The following ZNF808 variants were observed in gnomAD, a reference collection of about 807,000 sequenced individuals.
ZNF808 encodes the protein zinc finger protein 808.
In ZNF808, 5 loss-of-function variants were observed where a neutral mutation model predicts 8.7. The ratio of observed to expected loss-of-function variants is 0.58; its 90% CI spans 0.30 to 1.21. The LOEUF (loss-of-function observed/expected upper bound fraction) is 1.21. Among genes scored for constraint, ZNF808 ranks in the 50% most tolerant of loss-of-function variants. The pLI, the probability that ZNF808 is intolerant of heterozygous loss-of-function variation, is 0.07. For synonymous variants in ZNF808, 380 were observed against 366.0 expected (o/e 1.04, Z -0.44); for missense variants, 1,103 against 1,098.4 (o/e 1.00, Z -0.06).
downstream of ZNF808, among the ~76,000 whole-genome samples, chr19:52,568,545 A>G (rs2059878792): frequency 6.6e-6 from 1 of 151,958 alleles, no homozygotes; most frequent in South Asian, 2.1e-4. Flanking sequence ...GAAGTGTATC[A>G]CTCCATCACC....
chr19:52,559,806 A>G (rs539571734), downstream of ZNF808, among the ~76,000 whole-genome samples: 2 of 152,024 alleles, frequency 1.3e-5, no homozygotes, highest in Non-Finnish European at 2.9e-5. Flanking sequence ...GGCTCACTGT[A>G]GCTTCCACCT....
intron 4 of ZNF808, among the ~76,000 whole-genome samples, chr19:52,552,419 T>C (rs566899903): frequency 6.7e-6 from 1 of 149,508 alleles, no homozygotes; most frequent in African/African-American, 2.5e-5. Context: ...TTCTTTTTTT[T>C]TTTTTTCTGT....
At chr19:52,533,808 A>C (rs2059580922) in intron 2 of ZNF808, among the ~76,000 whole-genome samples, 1 of 131,710 alleles carries the variant, frequency 7.6e-6, no homozygotes, top group South Asian at 2.6e-4. Flanking sequence ...GTGCCACTGC[A>C]CTGTAGCCTG....
chr19:52,546,445 A>G (rs1289307216), intron 3 of ZNF808, among the ~76,000 whole-genome samples: 2 of 152,066 alleles, frequency 1.3e-5, no homozygotes, highest in Non-Finnish European at 2.9e-5. Flanking sequence ...TTGGCCTCCC[A>G]AAGTGCTGGG....
downstream of ZNF808, among the ~76,000 whole-genome samples, chr19:52,567,061 C>T (rs1249503200): frequency 6.6e-6 from 1 of 151,506 alleles, no homozygotes; most frequent in Admixed American, 6.6e-5. Flanking sequence ...AAGCGATTCT[C>T]CTGCCTCAGC....
intron 3 of ZNF808, among the ~76,000 whole-genome samples, chr19:52,562,571 G>A (rs2059861510): frequency 6.6e-6 from 1 of 151,992 alleles, no homozygotes; most frequent in Non-Finnish European, 1.5e-5. Context: ...TATTTTTTAT[G>A]TTTTTATTGT....
In ZNF808 at chr19:52,556,065, C is replaced by T. The variant is rs111288576; in HGVS notation, c.*437C>T. 9.8e-3 allele frequency: 4,537 copies of T among 462,504 alleles called. 123 individuals are homozygous for T. The highest frequency in any genetic ancestry group is 0.066 in the African/African-American group (3,291 of 49,674). 28.7% of individuals were successfully genotyped at this position (462,504 alleles called of 1,614,324 possible). A position where few individuals can be genotyped will look rare whatever the true frequency, so the allele number is the denominator to read the frequency against. ...TTCCCAATGCAGTGAGTATAGCAAA[C>T]CATCAAGCATTAATTGACATTGGAG... On this transcript the variant is annotated 3_prime_UTR_variant, in exon 5 of 5. Coordinates refer to ENST00000359798, the MANE Select transcript of ZNF808 (RefSeq NM_001039886.4).
chr19:52,568,653 GTC>G (rs1243948177), downstream of ZNF808, among the ~76,000 whole-genome samples: 3 of 152,190 alleles, frequency 2.0e-5, no homozygotes, highest in Admixed American at 6.5e-5. Flanking sequence ...AAATGTTAAT[GTC>G]TCTACTTGGG....
rs536006866 is a variant in ZNF808, at chr19:52,555,210, G to A, written c.2294G>A (p.Cys765Tyr). ...CATAGTGGTGAGAAACCTTACAAGT[G>A]TAACGACTGTGGCAATACCTTCCGT... Reference protein sequence around the residue: ...RLHSGEKPYKCNDCGNTFRHW... With the variant: ...RLHSGEKPYKYNDCGNTFRHW... Residue 765 changes from cysteine (C) to tyrosine (Y), a missense_variant, in exon 5 of 5, where the codon TGT (cysteine) becomes TAT (tyrosine). Transcript: ENST00000359798. 1 of 1,614,032 alleles carries A rather than the reference G, an allele frequency of 6.2e-7. No individual in the cohort carries two copies. The highest frequency in any genetic ancestry group is 1.3e-5 in the African/African-American group (1 of 74,998).
chr19:52,561,899 A>G (rs1196506036), intron 3 of ZNF808, among the ~76,000 whole-genome samples: 1 of 152,186 alleles, frequency 6.6e-6, no homozygotes, highest in African/African-American at 2.4e-5. Flanking sequence ...CACATATTGC[A>G]GGTTTTATGC....
chr19:52,532,734 AAAGTATTTATT>A (rs1197593432), intron 1 of ZNF808, among the ~76,000 whole-genome samples, 163 bp from the exon 2 acceptor site: 1 of 109,506 alleles, frequency 9.1e-6, no homozygotes, highest in African/African-American at 3.9e-5. Context: ...AAGTACACGT[AAAGTATTTATT>A]AAGTATTTAT....
At chr19:52,563,032 C>A (rs567072432) in intron 3 of ZNF808, among the ~76,000 whole-genome samples, 19 of 152,228 alleles carry the variant, frequency 1.2e-4, no homozygotes, top group East Asian at 9.7e-4. Flanking sequence ...CCTCTGCCCC[C>A]CAAAGTGCTG....
chr19:52,538,007 TTTAATTAA>T (rs34650122), intron 2 of ZNF808, among the ~76,000 whole-genome samples: 1 of 151,046 alleles, frequency 6.6e-6, no homozygotes, highest in African/African-American at 2.4e-5. Flanking sequence ...ACATAATACT[TTTAATTAA>T]TTAATTAATA....
At chr19:52,558,441 G>T (rs1010615025), downstream of ZNF808, among the ~76,000 whole-genome samples, 11 of 150,770 alleles carry the variant, frequency 7.3e-5, no homozygotes, top group Non-Finnish European at 3.0e-5. Context: ...GTGTGATCTC[G>T]GCTCACTGCA....
At chr19:52,532,534 G>C (rs949103399) in intron 1 of ZNF808, among the ~76,000 whole-genome samples, 3 of 152,050 alleles carry the variant, frequency 2.0e-5, no homozygotes, top group Non-Finnish European at 2.9e-5. Context: ...GGATTTATTT[G>C]TGTACAGTAG....
At chr19:52,535,631 C>A (rs879878810) in intron 2 of ZNF808, among the ~76,000 whole-genome samples, 2 of 152,180 alleles carry the variant, frequency 1.3e-5, no homozygotes, top group Non-Finnish European at 2.9e-5. Flanking sequence ...CAGGGTGGAC[C>A]CTCCCTCCTG....
At chr19:52,534,437 G>A (rs1458551734) in intron 2 of ZNF808, among the ~76,000 whole-genome samples, 1 of 152,120 alleles carries the variant, frequency 6.6e-6, no homozygotes, top group African/African-American at 2.4e-5. Context: ...CCTCTTAGCT[G>A]TTTGCCTCTA....
intron 2 of ZNF808, among the ~76,000 whole-genome samples, chr19:52,534,189 C>T (rs2059585186): frequency 6.6e-6 from 1 of 152,138 alleles, no homozygotes; most frequent in Non-Finnish European, 1.5e-5. Context: ...CAGGCGCCTG[C>T]CACCATGCCC....
chr19:52,553,521 T>C lies in ZNF808; in HGVS notation c.605T>C (p.Ile202Thr), dbSNP rs573847111. 3.7e-5 allele frequency: 60 copies of C among 1,613,920 alleles called. No homozygotes were observed. The highest frequency in any genetic ancestry group is 3.0e-5 in the Non-Finnish European group (35 of 1,179,970). Residue 202 changes from isoleucine to threonine, a missense_variant, in exon 5 of 5, where the codon ATC becomes ACC. Physicochemically the swap from Ile to Thr is moderately conservative, Grantham distance 89. Coordinates refer to ENST00000359798, the MANE Select transcript of ZNF808 (RefSeq NM_001039886.4). ...CAAAGAATTTCCTGTAGGCCCCAAA[T>C]CCATATTTCTAATAACTATGGGAAT... ...TSQRISCRPQ[I>T]HISNNYGNNP...
Sources: gnomAD v4.1 joint callset for allele counts (sites outside exome capture counted in the v4.1 genomes callset) on GRCh38, gnomAD v4.1.1 for gene constraint, MANE v1.5 for transcripts, NCBI Gene and HGNC (gene_info 2026-07-23, HGNC 2026-07-21) for gene names.